ZNF644: variants seen among roughly 807,000 people sequenced by gnomAD.
ZNF644 encodes the protein zinc finger protein 644, also known as zinc finger motif enhancer binding protein 2.
In ZNF644, 20 loss-of-function variants were observed where a neutral mutation model predicts 108.0. That is an observed-to-expected ratio of 0.19 (90% CI 0.13 to 0.27). The LOEUF is 0.27. Ranked by LOEUF, ZNF644 falls within the 10% of genes least tolerant of loss-of-function variation. ZNF644 has a pLI of 1.00. For missense variants in ZNF644, 1,338 were observed against 1,548.9 expected (o/e 0.86, Z 2.29); for synonymous variants, 542 against 539.1 (o/e 1.01, Z -0.08).
At chr1:90,984,002 G>A (rs1656838421) in intron 1 of ZNF644, among the ~76,000 whole-genome samples, 1 of 152,142 alleles carries the variant, frequency 6.6e-6, no homozygotes, top group Non-Finnish European at 1.5e-5. Flanking sequence ...AAGGACATGG[G>A]CCATAGCCAG....
intron 1 of ZNF644, among the ~76,000 whole-genome samples, chr1:90,999,086 C>A (rs1404373843): frequency 6.6e-6 from 1 of 152,132 alleles, no homozygotes; most frequent in African/African-American, 2.4e-5. Flanking sequence ...CTTAAAGTGA[C>A]AAGAAGAATG....
At chr1:90,917,075 A>G in intron 5 of ZNF644, 85 bp from the exon 6 acceptor site, 2 of 1,367,958 alleles carry the variant, frequency 1.5e-6, no homozygotes, top group East Asian at 4.8e-5. Context: ...CATAAGGAAT[A>G]AACTTTATCA....
chr1:90,967,170 G>A (rs1444856594), intron 2 of ZNF644, among the ~76,000 whole-genome samples: 1 of 150,690 alleles, frequency 6.6e-6, no homozygotes, highest in Non-Finnish European at 1.5e-5. Context: ...CCAAAGTACT[G>A]TCCTCCTCTC....
chr1:90,992,526 A>C (rs1390658105), intron 1 of ZNF644, among the ~76,000 whole-genome samples: 2 of 152,224 alleles, frequency 1.3e-5, no homozygotes, highest in Non-Finnish European at 2.9e-5. Flanking sequence ...TATGAAACAA[A>C]TATAGCAAAG....
intron 2 of ZNF644, among the ~76,000 whole-genome samples, chr1:90,958,232 T>TAAAAAAAAAAACA (rs1653953351): frequency 2.4e-5 from 1 of 41,388 alleles, no homozygotes; most frequent in African/African-American, 8.9e-5. Flanking sequence ...GCAAAACTCC[T>TAAAAAAAAAAACA]AAAAAAAAAA....
At chr1:90,968,082 A>G (rs1160511097) in intron 2 of ZNF644, among the ~76,000 whole-genome samples, 1 of 151,056 alleles carries the variant, frequency 6.6e-6, no homozygotes, top group African/African-American at 2.4e-5. Context: ...AAAAAAAAAA[A>G]ATCCAAGCTT....
chr1:91,014,661 T>C (rs900299088), intron 1 of ZNF644, among the ~76,000 whole-genome samples: 1 of 152,140 alleles, frequency 6.6e-6, no homozygotes, highest in African/African-American at 2.4e-5. Flanking sequence ...GTCAACATCA[T>C]TGTACCAATG....
intron 1 of ZNF644, among the ~76,000 whole-genome samples, chr1:91,013,713 T>C (rs543624612): frequency 3.9e-5 from 6 of 152,318 alleles, no homozygotes; most frequent in African/African-American, 1.2e-4. Flanking sequence ...AATTGCACTG[T>C]CCAATACAGT....
chr1:91,007,225 G>GTTTTTTTTTT (rs35761791), intron 1 of ZNF644, among the ~76,000 whole-genome samples: 4 of 55,998 alleles, frequency 7.1e-5, no homozygotes, highest in African/African-American at 1.5e-4. Flanking sequence ...CTCCCATTTT[G>GTTTTTTTTTT]TTTTTTTTTT....
In ZNF644 at chr1:90,939,791, A is replaced by G; in HGVS notation, c.1563T>C (p.Asp521=). 1.9e-6 allele frequency: 3 copies of G among 1,613,902 alleles called. No homozygotes were observed. The highest frequency in any genetic ancestry group is 2.5e-6 in the Non-Finnish European group (3 of 1,179,928). The part of the protein sequence containing the change: ...FVQHAKTHEK[D]KRYYCCEECN... ...ACTCTTCACAGCAGTAGTACCTTTT[A>G]TCTTTTTCATGGGTTTTAGCATGTT... Residue 521 remains aspartate, a synonymous_variant, in exon 3 of 6, where the codon GAT becomes GAC. Coordinates refer to ENST00000337393, the MANE Select transcript of ZNF644 (RefSeq NM_201269.3).
chr1:90,928,615 G>A lies in ZNF644; in HGVS notation c.3688+8870C>T, dbSNP rs376293025. On this transcript the variant is annotated intron_variant, in intron 4 of 5. Transcript: ENST00000337393. Reference sequence around the variant, plus strand: ...TGGGATTACAAGTGTGAGCCACCACGCCCGGCCTCCTTATTTTTAAAACAT... The same window carrying A: ...TGGGATTACAAGTGTGAGCCACCACACCCGGCCTCCTTATTTTTAAAACAT... Among the ~76,000 whole-genome samples the A allele has an allele frequency of 2.0e-4, 31 of 152,000 alleles. No homozygotes were observed. The South Asian group carries it at 5.2e-3, about 26-fold the overall frequency.
intron 2 of ZNF644, among the ~76,000 whole-genome samples, chr1:90,944,611 C>T (rs768430945): frequency 6.7e-6 from 1 of 150,300 alleles, no homozygotes. Context: ...CTAGGTCACT[C>T]GGTAATTCTG....
chr1:91,018,082 G>T (rs1249514446), intron 1 of ZNF644, among the ~76,000 whole-genome samples: 1 of 152,162 alleles, frequency 6.6e-6, no homozygotes, highest in Non-Finnish European at 1.5e-5. Flanking sequence ...TTTTTCATGG[G>T]AACTTCCTCT....
At chr1:90,927,404 G>A (rs1055061393) in intron 4 of ZNF644, among the ~76,000 whole-genome samples, 1 of 151,998 alleles carries the variant, frequency 6.6e-6, no homozygotes, top group Non-Finnish European at 1.5e-5. Context: ...ATTCTTGCTG[G>A]AATAATAAAA....
intron 2 of ZNF644, among the ~76,000 whole-genome samples, chr1:90,956,335 C>G (rs531352651): frequency 6.6e-6 from 1 of 152,316 alleles, no homozygotes; most frequent in South Asian, 2.1e-4. Flanking sequence ...TTGCTTGATG[C>G]AGGGTTGCTG....
Position 90,992,428 on chromosome 1 carries a change from T to C in ZNF644, c.-17-10058A>G, listed in dbSNP as rs910291527. 3.3e-5 allele frequency among the ~76,000 whole-genome samples: 5 copies of C among 151,962 alleles called. No individual in the cohort carries two copies. The East Asian group carries it at 9.6e-4, about 29-fold the overall frequency. On this transcript the variant is annotated intron_variant, in intron 1 of 5. Transcript: ENST00000337393. ...AAAAAAAAGATATAAATGAATCACCTTTGAACAACTGCTAATTTACCAACA... is the reference window on the plus strand; with the variant it reads ...AAAAAAAAGATATAAATGAATCACCCTTGAACAACTGCTAATTTACCAACA...
In ZNF644 at chr1:90,938,254, T is replaced by C; in HGVS notation, c.3082+18A>G. ...AACACAGACCTATCAGCCCAAATCA[T>C]CCCCATGGAGAACTTACCTTTTCTA... On this transcript the variant is annotated intron_variant, in intron 3 of 5. Coordinates refer to ENST00000337393, the MANE Select transcript of ZNF644 (RefSeq NM_201269.3). This position sits in a 1 kb window ranked among gnomAD's most constrained non-coding sequence, Gnocchi z 4.2. The C allele has an allele frequency of 1.2e-6, 2 of 1,613,948 alleles. No individual in the cohort carries two copies. Among genetic ancestry groups the C allele is most frequent in the Non-Finnish European group, 8.5e-7 (1 of 1,179,842 alleles).
At chr1:90,976,666 C>T (rs1656040599) in intron 2 of ZNF644, among the ~76,000 whole-genome samples, 1 of 152,110 alleles carries the variant, frequency 6.6e-6, no homozygotes, top group Non-Finnish European at 1.5e-5. Flanking sequence ...GACAGCTCAA[C>T]TTCAAAAGAG....
chr1:91,014,862 G>A (rs1020126907), intron 1 of ZNF644, among the ~76,000 whole-genome samples: 1 of 152,120 alleles, frequency 6.6e-6, no homozygotes, highest in Non-Finnish European at 1.5e-5. Context: ...CAGGAAGGTA[G>A]AACAGAAAGG....
Sources: gnomAD v4.1 joint callset for allele counts (sites outside exome capture counted in the v4.1 genomes callset) on GRCh38, gnomAD v4.1.1 for gene constraint, Gnocchi (gnomAD v3.1) non-coding constraint, MANE v1.5 for transcripts, NCBI Gene and HGNC (gene_info 2026-07-23, HGNC 2026-07-21) for gene names.